Variants in PNKD observed in about 807,000 individuals in gnomAD.
PNKD encodes the protein probable thioesterase PNKD.
In PNKD, 36 loss-of-function variants were observed where a neutral mutation model predicts 45.3. The ratio of observed to expected loss-of-function variants is 0.80; its 90% CI spans 0.61 to 1.05. The LOEUF (loss-of-function observed/expected upper bound fraction) is 1.05. Ranked by LOEUF, PNKD falls within the 50% of genes least tolerant of loss-of-function variation. PNKD has a pLI of 0.00. For synonymous variants in PNKD, 197 were observed against 210.1 expected, an observed-to-expected ratio of 0.94 and a Z score of 0.54; for missense variants, 511 against 506.6, an observed-to-expected ratio of 1.01 and a Z score of -0.08.
Position 218,280,155 on chromosome 2 carries a change from G to C in PNKD, c.236+8606G>C, listed in dbSNP as rs146147286. 1.4e-4 allele frequency: 217 copies of C among 1,524,562 alleles called. 2 individuals carry two copies. Among genetic ancestry groups the C allele is most frequent in the African/African-American group, 1.4e-3 (100 of 73,386 alleles). The allele number at this position is 1,524,562 out of a possible 1,614,324, so 94.4% of individuals were successfully genotyped here. The stretch of plus-strand genomic sequence containing the variant: ...GGGACAGATGACACTTGACTCAGCT[G>C]GGGACCTGAGACATGTGGCGTCAAT... On this transcript the variant is annotated intron_variant, in intron 2 of 9. Coordinates refer to ENST00000273077, the MANE Select transcript of PNKD (RefSeq NM_015488.5).
chr2:218,288,973 G>T (rs1444244139), intron 2 of PNKD, among the ~76,000 whole-genome samples: 1 of 152,178 alleles, frequency 6.6e-6, no homozygotes, highest in Non-Finnish European at 1.5e-5. Context: ...GAAAAAAAGA[G>T]ATCTAGGGTC....
At chr2:218,280,785 C>G (rs1473103188) in intron 2 of PNKD, 1 of 150,612 alleles carries the variant, frequency 6.6e-6, no homozygotes, top group Non-Finnish European at 1.5e-5. Context: ...ACTCACTGCA[C>G]TCTAACTTCA....
chr2:218,337,930 C>A (rs965120785), intron 2 of PNKD, among the ~76,000 whole-genome samples: 2 of 151,874 alleles, frequency 1.3e-5, no homozygotes, highest in Admixed American at 1.3e-4. Context: ...GGGCAAATCA[C>A]GAGGTCAAGA....
At position 218,341,977 on chromosome 2, in the gene PNKD, C is replaced by T. The variant is rs746791429; in HGVS notation, c.618-4C>T. 6.2e-7 allele frequency: 1 copy of T among 1,611,456 alleles called. No individual in the cohort carries two copies. The highest frequency in any genetic ancestry group is 1.1e-5 in the South Asian group (1 of 91,026). ...CTTCTGTCCCCTGCTCCCTTGTTCC[C>T]CAGTCCCCTGTGTCATCAAGATGTG... is the stretch of plus-strand genomic sequence containing the variant. On this transcript the variant is annotated splice_region_variant and splice_polypyrimidine_tract_variant and intron_variant, in intron 6 of 9. Coordinates refer to ENST00000273077, the MANE Select transcript of PNKD (RefSeq NM_015488.5).
At chr2:218,278,296 A>G (rs1233270122) in intron 2 of PNKD, 1 of 614,420 alleles carries the variant, frequency 1.6e-6, no homozygotes, top group African/African-American at 1.8e-5. Flanking sequence ...CTAAAATGCT[A>G]CCTGTCTTGC....
In PNKD at chr2:218,340,716, T is replaced by G. The variant is rs763804012; in HGVS notation, c.466-12T>G. ...CCTGCTCCCCAGTCTCCAAACCTCC[T>G]CTCTCTCGCAGGCTTCCATTGAAAA... On this transcript the variant is annotated splice_polypyrimidine_tract_variant and intron_variant, in intron 4 of 9. Coordinates refer to ENST00000273077, the MANE Select transcript of PNKD (RefSeq NM_015488.5). This position sits in a 1 kb window ranked among gnomAD's most constrained non-coding sequence, Gnocchi z 4.2. The G allele has an allele frequency of 2.5e-6, 4 of 1,611,750 alleles. No individual in the cohort carries two copies. The highest frequency in any genetic ancestry group is 3.4e-6 in the Non-Finnish European group (4 of 1,178,014).
chr2:218,299,325 A>G (rs1160787024), intron 2 of PNKD, among the ~76,000 whole-genome samples: 1 of 152,130 alleles, frequency 6.6e-6, no homozygotes, highest in Non-Finnish European at 1.5e-5. Context: ...TATTTTTAGT[A>G]GAGATGAGGT....
intron 2 of PNKD, among the ~76,000 whole-genome samples, chr2:218,316,006 T>A (rs551860417): frequency 6.6e-6 from 1 of 152,304 alleles, no homozygotes; most frequent in South Asian, 2.1e-4. Context: ...GTGAGTGGGA[T>A]CCAGGTGGCT....
intron 2 of PNKD, among the ~76,000 whole-genome samples, chr2:218,321,868 CGCAGGCCTCA>C (rs1693994506): frequency 6.6e-6 from 1 of 151,206 alleles, no homozygotes; most frequent in Non-Finnish European, 1.5e-5. Flanking sequence ...CCTAGCGATC[CGCAGGCCTCA>C]GCCTCCCAAA....
chr2:218,324,341 G>C (rs915743753), intron 2 of PNKD, among the ~76,000 whole-genome samples: 2 of 152,226 alleles, frequency 1.3e-5, no homozygotes, highest in African/African-American at 4.8e-5. Context: ...GTTGTGGGGA[G>C]AGCCTAAGCC....
intron 2 of PNKD, among the ~76,000 whole-genome samples, chr2:218,325,479 T>C (rs141390854): frequency 0.012 from 1,809 of 152,280 alleles, 18 homozygotes; most frequent in Non-Finnish European, 0.017. Flanking sequence ...GTGCTGGGAT[T>C]ACAGGTGGGA....
intron 2 of PNKD, among the ~76,000 whole-genome samples, chr2:218,309,958 C>G (rs1287555859): frequency 2.0e-5 from 3 of 151,646 alleles, no homozygotes; most frequent in Admixed American, 6.6e-5. Flanking sequence ...AAAAGAAAAC[C>G]CAACTGAAAG....
chr2:218,319,166 G>A (rs1306891912), intron 2 of PNKD, among the ~76,000 whole-genome samples: 1 of 151,300 alleles, frequency 6.6e-6, no homozygotes, highest in Admixed American at 6.6e-5. Flanking sequence ...TGTTGGCCAG[G>A]CTGGTCTCGA....
At chr2:218,323,275 G>C in intron 2 of PNKD, 1 of 1,535,636 alleles carries the variant, frequency 6.5e-7, no homozygotes, top group Non-Finnish European at 8.7e-7. Context: ...AGCATGGCTT[G>C]GCAGGGCTGG....
Position 218,340,705 on chromosome 2 carries a change from T to C in PNKD, c.466-23T>C, listed in dbSNP as rs373863144. 4.0e-5 allele frequency: 64 copies of C among 1,607,468 alleles called. No individual in the cohort carries two copies. Among genetic ancestry groups the C allele is most frequent in the Non-Finnish European group, 5.0e-5 (59 of 1,174,240 alleles). ...GCCTCTTGCATCCTGCTCCCCAGTC[T>C]CCAAACCTCCTCTCTCTCGCAGGCT... is the stretch of plus-strand genomic sequence containing the variant. On this transcript the variant is annotated intron_variant, in intron 4 of 9. Coordinates refer to ENST00000273077, the MANE Select transcript of PNKD (RefSeq NM_015488.5). This position sits in a 1 kb window ranked among gnomAD's most constrained non-coding sequence, Gnocchi z 4.2.
chr2:218,306,879 C>G (rs1200839325), intron 2 of PNKD, among the ~76,000 whole-genome samples: 1 of 152,232 alleles, frequency 6.6e-6, no homozygotes, highest in Non-Finnish European at 1.5e-5. Flanking sequence ...CTGACAAACA[C>G]AGATGCTTCC....
intron 2 of PNKD, among the ~76,000 whole-genome samples, chr2:218,273,139 G>A (rs889084875): frequency 2.6e-4 from 40 of 152,352 alleles, no homozygotes; most frequent in African/African-American, 9.4e-4. Context: ...AGGAGGGTGG[G>A]GTCCCGCTCA....
chr2:218,278,062 G>A (rs921561367), intron 2 of PNKD: 71 of 1,457,008 alleles, frequency 4.9e-5, no homozygotes, highest in Non-Finnish European at 5.9e-5. Context: ...CTTGGCTCCT[G>A]TGCCTGGAGG....
At chr2:218,342,723 A>AATAT (rs1462132656) in intron 7 of PNKD, among the ~76,000 whole-genome samples, 35 of 152,148 alleles carry the variant, frequency 2.3e-4, no homozygotes, top group Non-Finnish European at 2.9e-4. Context: ...AAATTTAAAT[A>AATAT]ATATAAATAA....
Sources: allele counts gnomAD v4.1 joint callset (sites outside exome capture counted in the v4.1 genomes callset), GRCh38; gene constraint gnomAD v4.1.1; non-coding constraint Gnocchi (gnomAD v3.1); transcripts MANE v1.5; gene names NCBI Gene and HGNC (gene_info 2026-07-23, HGNC 2026-07-21).